The following UTRN variants were observed in gnomAD, a reference collection of about 807,000 sequenced individuals.
UTRN encodes dystrophin-related protein 1.
UTRN carries 283 observed loss-of-function variants against 463.9 expected under a neutral mutation model. The ratio of observed to expected loss-of-function variants is 0.61; its 90% CI spans 0.55 to 0.67. UTRN has a LOEUF of 0.67. Ranked by LOEUF, UTRN falls within the 30% of genes least tolerant of loss-of-function variation. The pLI is 0.00. For synonymous variants in UTRN, 1,442 were observed against 1,431.5 expected, an observed-to-expected ratio of 1.01 and a Z score of -0.17; for missense variants, 3,922 against 4,084.3, an observed-to-expected ratio of 0.96 and a Z score of 1.08.
intron 61 of UTRN, among the ~76,000 whole-genome samples, chr6:144,788,304 TTAAC>T (rs1216241973): frequency 1.3e-5 from 2 of 152,138 alleles, no homozygotes; most frequent in Non-Finnish European, 2.9e-5. Flanking sequence ...TGACAGAAAA[TTAAC>T]TATATACTGA....
rs200310952 is a variant in UTRN, at chr6:144,448,771, T to C, written c.2072+2T>C. On this transcript the variant is annotated splice_donor_variant, in intron 17 of 74. Transcript: ENST00000367545. LOFTEE classifies it high-confidence loss of function. ...TGTGGATATTGAAGCTAAGAAAAAG[T>C]GAGAAGAGATAGAGAAATTGTTCAA... 6.2e-7 allele frequency: 1 copy of C among 1,612,816 alleles called. No homozygotes were observed. Among genetic ancestry groups the C allele is most frequent in the Non-Finnish European group, 8.5e-7 (1 of 1,179,534 alleles).
At chr6:144,613,094 A>G (rs767959714) in intron 51 of UTRN, among the ~76,000 whole-genome samples, 25 of 152,194 alleles carry the variant, frequency 1.6e-4, no homozygotes, top group Admixed American at 3.3e-4. Context: ...TAAAGAGATT[A>G]AAGTCCTTTG....
chr6:144,299,750 A>G (rs1237382768), intron 2 of UTRN, among the ~76,000 whole-genome samples: 1 of 152,106 alleles, frequency 6.6e-6, no homozygotes, highest in African/African-American at 2.4e-5. Context: ...TTTCTATTAC[A>G]TTATTTCAAA....
chr6:144,747,283 C>T (rs1790864007), intron 54 of UTRN, among the ~76,000 whole-genome samples: 1 of 152,136 alleles, frequency 6.6e-6, no homozygotes, highest in Non-Finnish European at 1.5e-5. Flanking sequence ...TTGCAGTGGA[C>T]AGTTGGATAC....
At chr6:144,435,808 T>C in intron 9 of UTRN, 127 bp from the exon 10 acceptor site, 1 of 952,812 alleles carries the variant, frequency 1.0e-6, no homozygotes, top group Non-Finnish European at 1.6e-6. Context: ...CCCATTTGGC[T>C]CCTGAGAATT....
chr6:144,451,157 T>C (rs1272004170), intron 17 of UTRN, among the ~76,000 whole-genome samples: 1 of 152,208 alleles, frequency 6.6e-6, no homozygotes, highest in East Asian at 1.9e-4. Flanking sequence ...TTTCTTCAAT[T>C]GTTTATTAAC....
chr6:144,533,172 G>C lies in UTRN; in HGVS notation c.6145G>C (p.Ala2049Pro). The change falls in exon 43 of 75, where the codon GCA becomes CCA. Residue 2049 changes from alanine to proline, a missense_variant. By Grantham distance (27) the Ala-to-Pro change is conservative (BLOSUM62 -1). Coordinates refer to ENST00000367545, the MANE Select transcript of UTRN (RefSeq NM_007124.3). ...TGGGATTGTGCAGAAACTCTCCCAG[G>C]CAGATGGAAGCTTCTTGAAAGAAAA... The part of the protein sequence containing the change: ...GDGIVQKLSQ[A>P]DGSFLKEKLA... The C allele has an allele frequency of 6.2e-7, 1 of 1,614,138 alleles. No homozygotes were observed. Among genetic ancestry groups the C allele is most frequent in the Non-Finnish European group, 8.5e-7 (1 of 1,179,998 alleles).
chr6:144,759,905 C>T (rs752487491), intron 58 of UTRN, among the ~76,000 whole-genome samples: 10 of 152,078 alleles, frequency 6.6e-5, no homozygotes, highest in Admixed American at 1.3e-4. Context: ...AAGAAGTTCA[C>T]GCAAATTAAT....
chr6:144,654,693 C>T (rs1779149878), intron 51 of UTRN, among the ~76,000 whole-genome samples: 1 of 152,204 alleles, frequency 6.6e-6, no homozygotes, highest in Non-Finnish European at 1.5e-5. Context: ...GAATTTGAGG[C>T]TTGGCCTCCT....
intron 51 of UTRN, among the ~76,000 whole-genome samples, chr6:144,650,098 C>G (rs1235955439): frequency 6.6e-6 from 1 of 152,198 alleles, no homozygotes; most frequent in Non-Finnish European, 1.5e-5. Context: ...AAAGGCACAT[C>G]TTACATGGTG....
intron 34 of UTRN, among the ~76,000 whole-genome samples, chr6:144,502,327 G>T (rs1280477884): frequency 6.6e-6 from 1 of 151,420 alleles, no homozygotes; most frequent in Non-Finnish European, 1.5e-5. Context: ...TGTTACATAG[G>T]TATACACGTG....
intron 53 of UTRN, among the ~76,000 whole-genome samples, chr6:144,711,679 T>C (rs1279612768): frequency 1.3e-5 from 2 of 152,206 alleles, no homozygotes; most frequent in Admixed American, 6.5e-5. Flanking sequence ...AGAGCTCTAA[T>C]ACCCTTTCTC....
intron 51 of UTRN, among the ~76,000 whole-genome samples, chr6:144,637,039 G>C (rs527284581): frequency 6.6e-6 from 1 of 152,252 alleles, no homozygotes; most frequent in East Asian, 1.9e-4. Flanking sequence ...TGTGATCTTG[G>C]CTCACTGCAA....
chr6:144,491,544 A>AAAT (rs1793077133), intron 32 of UTRN, among the ~76,000 whole-genome samples: 1 of 152,212 alleles, frequency 6.6e-6, no homozygotes, highest in South Asian at 2.1e-4. Flanking sequence ...AGGAAAGAAG[A>AAAT]AATGATATAT....
At chr6:144,672,908 A>G (rs1353460795) in intron 51 of UTRN, among the ~76,000 whole-genome samples, 1 of 152,056 alleles carries the variant, frequency 6.6e-6, no homozygotes, top group African/African-American at 2.4e-5. Flanking sequence ...TTTAATTTCC[A>G]TCTTGATATC....
In UTRN at chr6:144,473,791, A is replaced by G. The variant is rs886838559; in HGVS notation, c.3138A>G (p.Gln1046=). ...TCTTAATGAAACAGCAGGCTGCCCA[A>G]GGAGACGACGCAGGTCTACAGAGGC... ...KDFLMKQQAA[Q]GDDAGLQRQL... Residue 1046 remains glutamine, a synonymous_variant, in exon 24 of 75, where the codon CAA becomes CAG. Transcript: ENST00000367545. 2 of 1,614,188 alleles carry G rather than the reference A, an allele frequency of 1.2e-6. No individual in the cohort carries two copies. Among genetic ancestry groups the G allele is most frequent in the Non-Finnish European group, 1.7e-6 (2 of 1,180,020 alleles).
intron 47 of UTRN, 50 bp from the exon 48 acceptor site, chr6:144,550,915 C>CT: frequency 6.9e-7 from 1 of 1,452,310 alleles, no homozygotes; most frequent in Non-Finnish European, 9.2e-7. Context: ...GCTTATTATT[C>CT]TTCTCATATG....
At chr6:144,342,120 A>T (rs1186897550) in intron 2 of UTRN, among the ~76,000 whole-genome samples, 1 of 152,338 alleles carries the variant, frequency 6.6e-6, no homozygotes, top group East Asian at 1.9e-4. Flanking sequence ...GGAAATGCAA[A>T]TCAAACCACA....
At chr6:144,291,378 G>C (rs1804234444) in intron 1 of UTRN, among the ~76,000 whole-genome samples, 1 of 152,076 alleles carries the variant, frequency 6.6e-6, no homozygotes, top group Non-Finnish European at 1.5e-5. Flanking sequence ...TTAAATTCTT[G>C]TCATCTTTAA....
Sources: gnomAD v4.1 joint callset for allele counts (sites outside exome capture counted in the v4.1 genomes callset) on GRCh38, gnomAD v4.1.1 for gene constraint, MANE v1.5 for transcripts, NCBI Gene and HGNC (gene_info 2026-07-23, HGNC 2026-07-21) for gene names.